NOS1AP: variants seen among roughly 807,000 people sequenced by gnomAD.
The protein encoded by NOS1AP is nitric oxide synthase 1 adaptor protein.
Under a neutral mutation model 56.2 loss-of-function variants are expected in NOS1AP, and 21 were observed. The observed-to-expected ratio is 0.37, with a 90% CI of 0.26 to 0.54. The LOEUF (loss-of-function observed/expected upper bound fraction) is 0.54, where lower values mean the gene tolerates loss of function less well. NOS1AP is among the 20% of genes least tolerant of loss of function. The pLI is 0.84. For synonymous variants in NOS1AP, 270 were observed against 274.6 expected (o/e 0.98, Z 0.17); for missense variants, 522 against 657.8 (o/e 0.79, Z 2.26).
Position 162,119,423 on chromosome 1 carries a change from A to G in NOS1AP, c.106-34982A>G, listed in dbSNP as rs972788880. Among the ~76,000 whole-genome samples, 4 of 152,190 alleles carry G rather than the reference A, an allele frequency of 2.6e-5. No individual in the cohort carries two copies. In the East Asian group the frequency reaches 5.8e-4, roughly 22 times the overall value. ...GTCTGCTTTTCCCTAAGAACTGTATATGGTGTCCTTGCTTTTAGTTTCTGT... is the reference window on the plus strand; with the variant it reads ...GTCTGCTTTTCCCTAAGAACTGTATGTGGTGTCCTTGCTTTTAGTTTCTGT... On this transcript the variant is annotated intron_variant, in intron 1 of 9. Coordinates refer to ENST00000361897, the MANE Select transcript of NOS1AP (RefSeq NM_014697.3).
chr1:162,202,257 T>G (rs780044475), intron 2 of NOS1AP, among the ~76,000 whole-genome samples: 23 of 152,218 alleles, frequency 1.5e-4, no homozygotes, highest in Non-Finnish European at 3.2e-4. Flanking sequence ...ATATTCTTAT[T>G]GCAGAGCATT....
chr1:162,108,104 A>C (rs1647580844), intron 1 of NOS1AP, among the ~76,000 whole-genome samples: 1 of 152,214 alleles, frequency 6.6e-6, no homozygotes, highest in African/African-American at 2.4e-5. Flanking sequence ...AACAATGAGC[A>C]TTCCTTGTGC....
At chr1:162,206,096 TCCGGTAA>T (rs924425993) in intron 2 of NOS1AP, among the ~76,000 whole-genome samples, 3 of 152,148 alleles carry the variant, frequency 2.0e-5, no homozygotes, top group African/African-American at 7.2e-5. Flanking sequence ...GAGAATGTTA[TCCGGTAA>T]CTGGAAAACT....
At chr1:162,278,615 T>G (rs898425958) in intron 2 of NOS1AP, among the ~76,000 whole-genome samples, 1 of 151,760 alleles carries the variant, frequency 6.6e-6, no homozygotes, top group Middle Eastern at 3.2e-3. Flanking sequence ...AAACCGTAAA[T>G]CCTTGATTCA....
chr1:162,257,656 A>T (rs1300993991), intron 2 of NOS1AP, among the ~76,000 whole-genome samples: 1 of 151,910 alleles, frequency 6.6e-6, no homozygotes, highest in Non-Finnish European at 1.5e-5. Flanking sequence ...CTCAAAAAAA[A>T]AAAAGAAAAA....
chr1:162,360,040 G>C (rs1276017782), intron 8 of NOS1AP, among the ~76,000 whole-genome samples: 2 of 117,168 alleles, frequency 1.7e-5, no homozygotes, highest in Non-Finnish European at 3.3e-5. Context: ...TCTTCCCACA[G>C]ACTAGTCTAG....
At chr1:162,254,418 A>G (rs1232045097) in intron 2 of NOS1AP, among the ~76,000 whole-genome samples, 1 of 152,130 alleles carries the variant, frequency 6.6e-6, no homozygotes, top group African/African-American at 2.4e-5. Flanking sequence ...CATGTGACTA[A>G]CCCTCCCCAG....
chr1:162,297,126 C>T (rs1258899967), intron 3 of NOS1AP, among the ~76,000 whole-genome samples: 2 of 152,178 alleles, frequency 1.3e-5, no homozygotes, highest in South Asian at 2.1e-4. Flanking sequence ...GCAGCATAAA[C>T]CAAATCACCC....
At chr1:162,268,728 A>G (rs1009686778) in intron 2 of NOS1AP, among the ~76,000 whole-genome samples, 8 of 152,296 alleles carry the variant, frequency 5.3e-5, no homozygotes, top group African/African-American at 1.9e-4. Flanking sequence ...TCTATGAAAA[A>G]GAAATAGAGA....
chr1:162,322,462 C>T (rs190526613), intron 4 of NOS1AP, among the ~76,000 whole-genome samples: 2 of 152,304 alleles, frequency 1.3e-5, no homozygotes, highest in African/African-American at 4.8e-5. Context: ...CATGGGACTC[C>T]TCACATGCTG....
chr1:162,280,516 G>A (rs978015123), intron 2 of NOS1AP, among the ~76,000 whole-genome samples: 2 of 152,176 alleles, frequency 1.3e-5, no homozygotes, highest in East Asian at 1.9e-4. Context: ...ACTTTTGGCC[G>A]TACTTCTGAT....
intron 3 of NOS1AP, among the ~76,000 whole-genome samples, chr1:162,292,116 T>C (rs540858749): frequency 1.3e-5 from 2 of 152,358 alleles, no homozygotes; most frequent in African/African-American, 4.8e-5. Context: ...GTGTCTACCA[T>C]GTTCAAGGAT....
At chr1:162,238,299 A>G (rs1250504300) in intron 2 of NOS1AP, among the ~76,000 whole-genome samples, 1 of 151,914 alleles carries the variant, frequency 6.6e-6, no homozygotes, top group Non-Finnish European at 1.5e-5. Context: ...TCAGCTGGGT[A>G]TTTTTGTGCG....
chr1:162,235,567 C>T (rs1571149489), intron 2 of NOS1AP, among the ~76,000 whole-genome samples: 1 of 152,214 alleles, frequency 6.6e-6, no homozygotes, highest in African/African-American at 2.4e-5. Context: ...GCATGGTCAA[C>T]AGTGCGGAAA....
chr1:162,356,943 T>A lies in NOS1AP; in HGVS notation c.763-17T>A. 1 of 1,614,002 alleles carries A rather than the reference T, an allele frequency of 6.2e-7. No individual in the cohort carries two copies. The highest frequency in any genetic ancestry group is 8.5e-7 in the Non-Finnish European group (1 of 1,180,032). ...CTCCTGCCACATGTCATGTCCTGTC[T>A]TCTCCTTCTCCTCCAGGTTTCGCAC... On this transcript the variant is annotated splice_polypyrimidine_tract_variant and intron_variant, in intron 7 of 9. Coordinates refer to ENST00000361897, the MANE Select transcript of NOS1AP (RefSeq NM_014697.3).
chr1:162,365,773 A>G (rs1378191704), intron 9 of NOS1AP, among the ~76,000 whole-genome samples: 1 of 152,110 alleles, frequency 6.6e-6, no homozygotes, highest in Non-Finnish European at 1.5e-5. Flanking sequence ...GGTGCCTTCT[A>G]ATCCAGGCCC....
intron 4 of NOS1AP, among the ~76,000 whole-genome samples, chr1:162,325,719 A>G (rs1372090846): frequency 6.6e-6 from 1 of 152,036 alleles, no homozygotes; most frequent in African/African-American, 2.4e-5. Flanking sequence ...TTACTTTCCC[A>G]GAGGTTTTCC....
intron 2 of NOS1AP, among the ~76,000 whole-genome samples, chr1:162,234,007 C>A (rs1166511767): frequency 6.6e-6 from 1 of 152,152 alleles, no homozygotes; most frequent in East Asian, 1.9e-4. Flanking sequence ...ATTGGACATA[C>A]ATGAAGATGA....
chr1:162,243,188 T>C (rs941490242), intron 2 of NOS1AP, among the ~76,000 whole-genome samples: 1 of 152,150 alleles, frequency 6.6e-6, no homozygotes, highest in Admixed American at 6.5e-5. Context: ...TGAAAGGTTA[T>C]TGTAGCCGAG....
Sources: allele counts gnomAD v4.1 joint callset (sites outside exome capture counted in the v4.1 genomes callset), GRCh38; gene constraint gnomAD v4.1.1; transcripts MANE v1.5; gene names NCBI Gene and HGNC (gene_info 2026-07-23, HGNC 2026-07-21).